Variants in RTN3 observed in about 807,000 individuals in gnomAD.
RTN3 encodes the protein reticulon-3.
Under a neutral mutation model 77.8 loss-of-function variants are expected in RTN3, and 49 were observed. That is an observed-to-expected ratio of 0.63 (90% CI 0.50 to 0.80). RTN3 has a LOEUF of 0.80. Ranked by LOEUF, RTN3 falls within the 30% of genes least tolerant of loss-of-function variation. The pLI is 0.00. For synonymous variants in RTN3, 464 were observed against 446.9 expected, an observed-to-expected ratio of 1.04 and a Z score of -0.48; for missense variants, 1,236 against 1,211.9, an observed-to-expected ratio of 1.02 and a Z score of -0.29.
intron 1 of RTN3, among the ~76,000 whole-genome samples, chr11:63,683,224 T>A (rs184300762): frequency 1.6e-4 from 25 of 152,302 alleles, no homozygotes; most frequent in Non-Finnish European, 2.5e-4. Context: ...GGCAGCAAAT[T>A]TAGAACCCTG....
chr11:63,721,679 A>G (rs2011821805), intron 3 of RTN3, among the ~76,000 whole-genome samples: 1 of 152,116 alleles, frequency 6.6e-6, no homozygotes, highest in African/African-American at 2.4e-5. Flanking sequence ...TGAGAATCTA[A>G]TATCATCAGG....
intron 8 of RTN3, among the ~76,000 whole-genome samples, chr11:63,757,415 A>G (rs895105254): frequency 6.6e-6 from 1 of 152,130 alleles, no homozygotes; most frequent in South Asian, 2.1e-4. Flanking sequence ...CAGTGGCACA[A>G]GCTGAAAGCT....
At chr11:63,708,968 C>G (rs979793319) in intron 2 of RTN3, among the ~76,000 whole-genome samples, 2 of 152,162 alleles carry the variant, frequency 1.3e-5, no homozygotes, top group Non-Finnish European at 2.9e-5. Context: ...TCACATGAAT[C>G]ATCTCATTTA....
At chr11:63,694,643 A>T (rs1941844120) in intron 1 of RTN3, among the ~76,000 whole-genome samples, 1 of 151,760 alleles carries the variant, frequency 6.6e-6, no homozygotes, top group Admixed American at 6.6e-5. Flanking sequence ...ATTTTTCTAG[A>T]GACGAGGTTT....
intron 7 of RTN3, among the ~76,000 whole-genome samples, chr11:63,755,182 G>C (rs1273207415): frequency 6.6e-6 from 1 of 152,004 alleles, no homozygotes; most frequent in African/African-American, 2.4e-5. Flanking sequence ...ACAGAAAATA[G>C]ATTAGACACA....
chr11:63,735,435 T>C (rs982715993), intron 3 of RTN3, among the ~76,000 whole-genome samples: 1 of 152,176 alleles, frequency 6.6e-6, no homozygotes, highest in Non-Finnish European at 1.5e-5. Context: ...AAAGAATGAC[T>C]AAGAGGAGAG....
chr11:63,685,583 CAAAG>C (rs1941326611), intron 1 of RTN3, among the ~76,000 whole-genome samples: 1 of 151,170 alleles, frequency 6.6e-6, no homozygotes, highest in Non-Finnish European at 1.5e-5. Flanking sequence ...CTTCATGTCA[CAAAG>C]GAAGTGTCTC....
At position 63,719,139 on chromosome 11, in the gene RTN3, C is replaced by T. The variant is rs1209917288; in HGVS notation, c.637C>T (p.Pro213Ser). 2 of 1,614,182 alleles carry T rather than the reference C, an allele frequency of 1.2e-6. No individual in the cohort carries two copies. The highest frequency in any genetic ancestry group is 2.2e-5 in the South Asian group (2 of 91,082). ...ATTCACTTTGCTGACAGCCCAGAAA[C>T]CACCTACTGAGTACTCTAAGGTAGA... ...DRFTLLTAQK[P>S]PTEYSKVEGI... is the part of the protein sequence containing the mutation. The change falls in exon 3 of 9, where the codon CCA (proline) becomes TCA (serine). Residue 213 changes from proline (P) to serine (S), a missense_variant. Physicochemically the swap from Pro to Ser is moderately conservative, Grantham distance 74. Coordinates refer to ENST00000377819, the MANE Select transcript of RTN3 (RefSeq NM_001265589.2).
rs1565052597 is a variant in RTN3 at position 63,758,253 on chromosome 11, T to TA, written c.*54dup. 1 of 1,613,730 alleles carries TA rather than the reference T, an allele frequency of 6.2e-7. No homozygotes were observed. The stretch of plus-strand genomic sequence containing the variant: ...TTACTAAAACACCATTTAATAGTTA[T>TA]AACGTCGTTACTTGTACTATGAAGG... On this transcript the variant is annotated 3_prime_UTR_variant, in exon 9 of 9. Coordinates refer to ENST00000377819, the MANE Select transcript of RTN3 (RefSeq NM_001265589.2).
intron 3 of RTN3, among the ~76,000 whole-genome samples, chr11:63,744,023 C>T (rs1424973866): frequency 1.3e-5 from 2 of 150,506 alleles, no homozygotes; most frequent in Non-Finnish European, 3.0e-5. Context: ...GCAGGCAGAT[C>T]ACGAGGTCAG....
intron 1 of RTN3, among the ~76,000 whole-genome samples, chr11:63,695,491 T>TG (rs1463275887): frequency 6.6e-6 from 1 of 152,110 alleles, no homozygotes; most frequent in Non-Finnish European, 1.5e-5. Flanking sequence ...GAGTACAGTG[T>TG]GGAAGGGTGG....
intron 1 of RTN3, among the ~76,000 whole-genome samples, chr11:63,703,166 A>G (rs530851844): frequency 1.3e-5 from 2 of 152,340 alleles, no homozygotes; most frequent in South Asian, 4.1e-4. Context: ...AACTATTTAC[A>G]TAGCATTTAC....
intron 2 of RTN3, among the ~76,000 whole-genome samples, chr11:63,713,284 A>AT (rs1177875414): frequency 6.6e-6 from 1 of 151,852 alleles, no homozygotes; most frequent in African/African-American, 2.4e-5. Context: ...CATTGTGGGG[A>AT]TATGACATTT....
intron 2 of RTN3, among the ~76,000 whole-genome samples, chr11:63,708,379 A>T (rs1484654306): frequency 6.6e-6 from 1 of 152,194 alleles, no homozygotes; most frequent in Non-Finnish European, 1.5e-5. Context: ...TAGATTGCCC[A>T]GGCTGAACTC....
At chr11:63,747,486 G>T (rs1487412857) in intron 3 of RTN3, among the ~76,000 whole-genome samples, 3 of 152,158 alleles carry the variant, frequency 2.0e-5, no homozygotes. Flanking sequence ...GTTCCCATCA[G>T]GAGTCATAAT....
upstream of RTN3, chr11:63,681,491 GAGTC>G (rs921812953): frequency 1.1e-5 from 9 of 826,722 alleles, no homozygotes; most frequent in East Asian, 6.5e-5. Flanking sequence ...GCGCTCGGCT[GAGTC>G]AGTCAGTCTG....
intron 3 of RTN3, among the ~76,000 whole-genome samples, chr11:63,741,171 C>CT (rs1403795392): frequency 6.6e-6 from 1 of 151,400 alleles, no homozygotes; most frequent in Non-Finnish European, 1.5e-5. Context: ...GTGAAATAAT[C>CT]TTTATTTTAT....
chr11:63,718,046 TCC>T, intron 2 of RTN3, among the ~76,000 whole-genome samples: 1 of 147,930 alleles, frequency 6.8e-6, no homozygotes, highest in Non-Finnish European at 1.5e-5. Context: ...TTGGAGGGGG[TCC>T]ACCTTTTTCA....
chr11:63,731,045 C>T (rs1007361416), intron 3 of RTN3, among the ~76,000 whole-genome samples: 2 of 151,834 alleles, frequency 1.3e-5, no homozygotes, highest in Non-Finnish European at 2.9e-5. Context: ...TACTACTAGG[C>T]CCACAAAACA....
Sources: allele counts gnomAD v4.1 joint callset (sites outside exome capture counted in the v4.1 genomes callset), GRCh38; gene constraint gnomAD v4.1.1; transcripts MANE v1.5; gene names NCBI Gene and HGNC (gene_info 2026-07-23, HGNC 2026-07-21).